Variants in UTP14C observed in about 807,000 individuals in gnomAD.
UTP14C encodes the protein U3 small nucleolar RNA-associated protein 14 homolog C.
A neutral mutation model predicts 14.6 loss-of-function variants in UTP14C; 10 were observed. The ratio of observed to expected loss-of-function variants is 0.68; its 90% CI spans 0.42 to 1.16. UTP14C has a LOEUF of 1.16. UTP14C is among the 50% of genes most tolerant of loss of function. UTP14C has a pLI of 0.00. For synonymous variants in UTP14C, 315 were observed against 331.6 expected, an observed-to-expected ratio of 0.95 and a Z score of 0.54; for missense variants, 818 against 890.8, an observed-to-expected ratio of 0.92 and a Z score of 1.04.
Position 52,030,506 on chromosome 13 carries a change from CCTT to C in UTP14C, c.1704_1706del (p.Ser569del), listed in dbSNP as rs1426510164. 1.9e-6 allele frequency: 3 copies of C among 1,614,192 alleles called. No homozygotes were observed. Among genetic ancestry groups the C allele is most frequent in the Non-Finnish European group, 2.5e-6 (3 of 1,180,038 alleles). ...ACAGAACTTCCTGACCACACAGTCT[CCTT>C]CCGTGAGGTCTTTGGCAGTTCCCAC... On this transcript the variant is annotated inframe_deletion, in exon 2 of 2. Coordinates refer to ENST00000521776, the MANE Select transcript of UTP14C (RefSeq NM_021645.6).
intron 1 of UTP14C, among the ~76,000 whole-genome samples, chr13:52,027,087 G>A (rs1489354707): frequency 6.6e-6 from 1 of 152,174 alleles, no homozygotes; most frequent in African/African-American, 2.4e-5. Context: ...CAGATGCTGG[G>A]GAAGGTAAGG....
rs1954275360 is a variant in UTP14C, at chr13:52,029,432, TC to T, written c.629del (p.Ser210PhefsTer5). On this transcript the variant is annotated frameshift_variant, in exon 2 of 2. Coordinates refer to ENST00000521776, the MANE Select transcript of UTP14C (RefSeq NM_021645.6). LOFTEE classifies it low-confidence loss of function (END_TRUNC). The stretch of plus-strand genomic sequence containing the variant: ...TTTACTGACTCCCATGGAAAAGGCC[TC>T]TCTCCAAGCCATGAGCCTGGAAGAG... ...DPLLTPMEKA[S>X]LQAMSLEEAK... is the part of the protein sequence containing the mutation. 1.2e-6 allele frequency: 2 copies of T among 1,613,942 alleles called. No homozygotes were observed. The highest frequency in any genetic ancestry group is 2.7e-5 in the African/African-American group (2 of 74,872).
rs996771688 is a variant in UTP14C at position 52,031,068 on chromosome 13, G to C, written c.2264G>C (p.Arg755Pro). 1.2e-6 allele frequency: 2 copies of C among 1,613,804 alleles called. No homozygotes were observed. The highest frequency in any genetic ancestry group is 3.3e-5 in the Admixed American group (2 of 59,972). ...CCTGTCATACAGAGGAATCCAAAAC[G>C]AATCACCACACGTCACAATAAAGAA... is the stretch of plus-strand genomic sequence containing the variant. ...DLPVIQRNPKRITTRHNKEEK... is the reference protein window; with the variant it reads ...DLPVIQRNPKPITTRHNKEEK... The change falls in exon 2 of 2, where the codon CGA (arginine) becomes CCA (proline). Residue 755 changes from arginine to proline, a missense_variant. Coordinates refer to ENST00000521776, the MANE Select transcript of UTP14C (RefSeq NM_021645.6).
rs1245813449 is a variant in UTP14C at position 52,029,986 on chromosome 13, G to C, written c.1182G>C (p.Val394=). Residue 394 remains valine (V), a synonymous_variant, in exon 2 of 2, where the codon GTG becomes GTC. Coordinates refer to ENST00000521776, the MANE Select transcript of UTP14C (RefSeq NM_021645.6). ...CAACACAGGAGGACCCTGAGCAAGT[G>C]CCAGAGCTTGCAGCTCATGAGGTTT... ...EAATQEDPEQ[V]PELAAHEVSA... is the part of the protein sequence containing the mutation. 1 of 1,614,118 alleles carries C rather than the reference G, an allele frequency of 6.2e-7. No individual in the cohort carries two copies. The highest frequency in any genetic ancestry group is 8.5e-7 in the Non-Finnish European group (1 of 1,180,044).
At position 52,031,169 on chromosome 13, in the gene UTP14C, TCTG is replaced by T; in HGVS notation, c.*67_*69del. On this transcript the variant is annotated 3_prime_UTR_variant, in exon 2 of 2. Transcript: ENST00000521776. Reference sequence around the variant, plus strand: ...TCCACTTCCTTTGGTCCAGTTTTACTCTGCTACAGGGTGGATTCCAAAACTGGC... The same window carrying T: ...TCCACTTCCTTTGGTCCAGTTTTACTCTACAGGGTGGATTCCAAAACTGGC... 1 of 1,542,726 alleles carries T rather than the reference TCTG, an allele frequency of 6.5e-7. No individual in the cohort carries two copies. Among genetic ancestry groups the T allele is most frequent in the Non-Finnish European group, 8.7e-7 (1 of 1,146,642 alleles).
rs779928686 is a variant in UTP14C, at chr13:52,029,988, C to T, written c.1184C>T (p.Pro395Leu). The change falls in exon 2 of 2, where the codon CCA becomes CTA. Residue 395 changes from proline to leucine, a missense_variant. Coordinates refer to ENST00000521776, the MANE Select transcript of UTP14C (RefSeq NM_021645.6). ...AATQEDPEQV[P>L]ELAAHEVSAS... ...ACACAGGAGGACCCTGAGCAAGTGC[C>T]AGAGCTTGCAGCTCATGAGGTTTCT... 6.2e-7 allele frequency: 1 copy of T among 1,614,210 alleles called. No homozygotes were observed. The highest frequency in any genetic ancestry group is 8.5e-7 in the Non-Finnish European group (1 of 1,180,032).
At position 52,030,098 on chromosome 13, in the gene UTP14C, T is replaced by G. The variant is rs770311915; in HGVS notation, c.1294T>G (p.Ser432Ala). ...FEERQSLRKR[S>A]ELNQDAEPAS... ...GGAAAGGCAATCCCTTAGAAAAAGA[T>G]CTGAGCTCAACCAGGATGCTGAGCC... is the stretch of plus-strand genomic sequence containing the variant. The change falls in exon 2 of 2, where the codon TCT becomes GCT. Residue 432 changes from serine (S) to alanine (A), a missense_variant. Physicochemically the swap from Ser to Ala is moderately conservative, Grantham distance 99. Coordinates refer to ENST00000521776, the MANE Select transcript of UTP14C (RefSeq NM_021645.6). 6.2e-7 allele frequency: 1 copy of G among 1,614,216 alleles called. No individual in the cohort carries two copies. The highest frequency in any genetic ancestry group is 1.1e-5 in the South Asian group (1 of 91,084).
chr13:52,033,454 A>AT lies in UTP14C; in HGVS notation c.*2354dup, dbSNP rs1421324665. Reference sequence around the variant, plus strand: ...TGTCTAAATATTATTTAAAGAAGTGATTTTTCATTCTCTTGGATTCTTTCC... The same window carrying AT: ...TGTCTAAATATTATTTAAAGAAGTGATTTTTTCATTCTCTTGGATTCTTTCC... On this transcript the variant is annotated 3_prime_UTR_variant, in exon 2 of 2. Coordinates refer to ENST00000521776, the MANE Select transcript of UTP14C (RefSeq NM_021645.6). 6.0e-6 allele frequency: 1 copy of AT among 167,062 alleles called. No individual in the cohort carries two copies. The highest frequency in any genetic ancestry group is 1.5e-5 in the Non-Finnish European group (1 of 68,110). 10.3% of individuals were successfully genotyped at this position (167,062 alleles called of 1,614,324 possible).
Position 52,029,978 on chromosome 13 carries a change from G to C in UTP14C, c.1174G>C (p.Glu392Gln), listed in dbSNP as rs1171697974. 6.2e-7 allele frequency: 1 copy of C among 1,614,224 alleles called. No homozygotes were observed. The change falls in exon 2 of 2, where the codon GAG (glutamate) becomes CAG (glutamine). Residue 392 changes from glutamate to glutamine, a missense_variant. By Grantham distance (29) the Glu-to-Gln change is conservative (BLOSUM62 2). Transcript: ENST00000521776. ...AGAGGCTGCAACACAGGAGGACCCT[G>C]AGCAAGTGCCAGAGCTTGCAGCTCA... ...TKEAATQEDP[E>Q]QVPELAAHEV...
chr13:52,029,185 C>A lies in UTP14C; in HGVS notation c.381C>A (p.Ile127=). ...TTAACAAAGAAAAAATTGAACAGATCCACAGAGAAGTAGCATTCAGTAAAA... is the reference window on the plus strand; with the variant it reads ...TTAACAAAGAAAAAATTGAACAGATACACAGAGAAGTAGCATTCAGTAAAA... The part of the protein sequence containing the change: ...LPLNKEKIEQ[I]HREVAFSKTS... The change falls in exon 2 of 2, where the codon ATC becomes ATA. Residue 127 remains isoleucine, a synonymous_variant. Coordinates refer to ENST00000521776, the MANE Select transcript of UTP14C (RefSeq NM_021645.6). 1.2e-6 allele frequency: 2 copies of A among 1,614,182 alleles called. No homozygotes were observed. Among genetic ancestry groups the A allele is most frequent in the East Asian group, 2.2e-5 (1 of 44,888 alleles).
At chr13:52,028,257 C>T (rs1229686024) in intron 1 of UTP14C, 62 bp from the exon 2 acceptor site, 1 of 1,598,074 alleles carries the variant, frequency 6.3e-7, no homozygotes, top group Non-Finnish European at 8.6e-7. Flanking sequence ...TCTATTCATC[C>T]TCATTCTTAT....
Position 52,024,787 on chromosome 13 carries a change from A to C in UTP14C, c.-637A>C. On this transcript the variant is annotated 5_prime_UTR_variant, in exon 1 of 2. Transcript: ENST00000521776. ...TTGTCGTAACAAAGATGATGAACTT[A>C]GGGTAAACCAACTGAGAAGGCTGTC... 2 of 1,614,244 alleles carry C rather than the reference A, an allele frequency of 1.2e-6. No homozygotes were observed. Among genetic ancestry groups the C allele is most frequent in the Non-Finnish European group, 1.7e-6 (2 of 1,180,026 alleles).
Position 52,024,882 on chromosome 13 carries a change from T to A in UTP14C, c.-542T>A, listed in dbSNP as rs1219163776. The A allele has an allele frequency of 6.2e-7, 1 of 1,613,570 alleles. No individual in the cohort carries two copies. Among genetic ancestry groups the A allele is most frequent in the Non-Finnish European group, 8.5e-7 (1 of 1,180,032 alleles). On this transcript the variant is annotated 5_prime_UTR_variant, in exon 1 of 2. An upstream open reading frame in the 5' UTR gains an earlier in-frame stop. Transcript: ENST00000521776. ...TTCCATTTGATGAATTAAAGAATTA[T>A]TTGTCTGAAGCAACAATTGGTCTGC...
Position 52,030,070 on chromosome 13 carries a change from T to C in UTP14C, c.1266T>C (p.Phe422=), listed in dbSNP as rs1490390456. The part of the protein sequence containing the change: ...VAEEEILLRE[F]EERQSLRKRS... ...AGGAAGAAATTTTGTTGAGAGAATT[T>C]GAGGAAAGGCAATCCCTTAGAAAAA... is the stretch of plus-strand genomic sequence containing the variant. Residue 422 remains phenylalanine, a synonymous_variant, in exon 2 of 2, where the codon TTT becomes TTC. Transcript: ENST00000521776. 6.2e-7 allele frequency: 1 copy of C among 1,614,110 alleles called. No homozygotes were observed. Among genetic ancestry groups the C allele is most frequent in the Non-Finnish European group, 8.5e-7 (1 of 1,180,016 alleles).
rs780511467 is a variant in UTP14C, at chr13:52,028,326, G to A, written c.-479G>A. The A allele has an allele frequency of 6.2e-7, 1 of 1,614,102 alleles. No individual in the cohort carries two copies. Among genetic ancestry groups the A allele is most frequent in the South Asian group, 1.1e-5 (1 of 91,084 alleles). On this transcript the variant is annotated 5_prime_UTR_variant, in exon 2 of 2. Coordinates refer to ENST00000521776, the MANE Select transcript of UTP14C (RefSeq NM_021645.6). ...TTGTGTTTTTTTTCTCAGGAGTTGTGGAGTGTATGGCAGCTGGCACAATTA... is the reference window on the plus strand; with the variant it reads ...TTGTGTTTTTTTTCTCAGGAGTTGTAGAGTGTATGGCAGCTGGCACAATTA...
intron 1 of UTP14C, among the ~76,000 whole-genome samples, chr13:52,026,884 G>A (rs1484122287): frequency 2.0e-5 from 3 of 152,330 alleles, no homozygotes; most frequent in East Asian, 3.9e-4. Flanking sequence ...TCCCGTGGAT[G>A]TGGTTAAGAT....
chr13:52,029,630 A>G lies in UTP14C; in HGVS notation c.826A>G (p.Thr276Ala), dbSNP rs1054782. 11 of 1,614,140 alleles carry G rather than the reference A, an allele frequency of 6.8e-6. No homozygotes were observed. The East Asian group carries it at 2.2e-4, about 33-fold the overall frequency. The change falls in exon 2 of 2, where the codon ACT becomes GCT. Residue 276 changes from threonine (T) to alanine (A), a missense_variant. By Grantham distance (58) the Thr-to-Ala change is moderately conservative (BLOSUM62 0). Transcript: ENST00000521776. ...EFEQLQKVNP[T>A]VALEEMEKIE... ...TGAGCAGCTACAGAAGGTTAATCCAACTGTGGCACTGGAAGAAATGGAAAA... is the reference window on the plus strand; with the variant it reads ...TGAGCAGCTACAGAAGGTTAATCCAGCTGTGGCACTGGAAGAAATGGAAAA...
At position 52,029,010 on chromosome 13, in the gene UTP14C, A is replaced by G; in HGVS notation, c.206A>G (p.Lys69Arg). Reference sequence around the variant, plus strand: ...GCTGAGAGGTCTGAGGCTAGTCTGAAAGTGTCAGAGTTCAGTGTCAGTTCT... The same window carrying G: ...GCTGAGAGGTCTGAGGCTAGTCTGAGAGTGTCAGAGTTCAGTGTCAGTTCT... The part of the protein sequence containing the change: ...KLAERSEASL[K>R]VSEFSVSSEG... The change falls in exon 2 of 2, where the codon AAA (lysine) becomes AGA (arginine). Residue 69 changes from lysine to arginine, a missense_variant. Lys to Arg is a conservative substitution (Grantham distance 26). Coordinates refer to ENST00000521776, the MANE Select transcript of UTP14C (RefSeq NM_021645.6). The G allele has an allele frequency of 6.2e-7, 1 of 1,614,246 alleles. No homozygotes were observed. Among genetic ancestry groups the G allele is most frequent in the African/African-American group, 1.3e-5 (1 of 75,070 alleles).
rs762476410 is a variant in UTP14C at position 52,030,562 on chromosome 13, GGAGA to G, written c.1763_1766del (p.Arg588ThrfsTer5). The G allele has an allele frequency of 1.2e-6, 2 of 1,614,050 alleles. No individual in the cohort carries two copies. The highest frequency in any genetic ancestry group is 3.3e-5 in the Admixed American group (2 of 60,004). Reference sequence around the variant, plus strand: ...TAATAGAGGAGCTGGAAGATGAAGAGGAGAGAGACCAAAGGCAGATGATAAAGGA... The same window carrying G: ...TAATAGAGGAGCTGGAAGATGAAGAGGAGACCAAAGGCAGATGATAAAGGA... On this transcript the variant is annotated frameshift_variant, in exon 2 of 2. Coordinates refer to ENST00000521776, the MANE Select transcript of UTP14C (RefSeq NM_021645.6). LOFTEE classifies it high-confidence loss of function.
Sources: gnomAD v4.1 joint callset for allele counts (sites outside exome capture counted in the v4.1 genomes callset) on GRCh38, gnomAD v4.1.1 for gene constraint, MANE v1.5 for transcripts, NCBI Gene and HGNC (gene_info 2026-07-23, HGNC 2026-07-21) for gene names.